The following TRHDE variants were observed in gnomAD, a reference collection of about 807,000 sequenced individuals.
TRHDE encodes the protein thyrotropin-releasing hormone-degrading ectoenzyme.
Under a neutral mutation model 125.7 loss-of-function variants are expected in TRHDE, and 72 were observed. The ratio of observed to expected loss-of-function variants is 0.57; its 90% CI spans 0.47 to 0.70. TRHDE has a LOEUF of 0.70. Among genes scored for constraint, TRHDE ranks in the 30% least tolerant of loss-of-function variants. The pLI, the probability that TRHDE is intolerant of heterozygous loss-of-function variation, is 0.00. For synonymous variants in TRHDE, 509 were observed against 509.1 expected, an observed-to-expected ratio of 1.00 and a Z score of 0.00; for missense variants, 1,110 against 1,327.1, an observed-to-expected ratio of 0.84 and a Z score of 2.54.
intron 2 of TRHDE, among the ~76,000 whole-genome samples, chr12:72,298,071 T>A (rs1012658679): frequency 1.2e-4 from 18 of 152,222 alleles, no homozygotes; most frequent in African/African-American, 3.6e-4. Flanking sequence ...GGTTTTGTTA[T>A]ATAATCTACA....
intron 5 of TRHDE, among the ~76,000 whole-genome samples, chr12:72,498,302 T>G (rs1878003807): frequency 6.6e-6 from 1 of 152,188 alleles, no homozygotes; most frequent in South Asian, 2.1e-4. Flanking sequence ...TTATGTCCAG[T>G]CAACAATTCT....
At chr12:72,463,694 C>T (rs1876233386) in intron 3 of TRHDE, among the ~76,000 whole-genome samples, 1 of 152,132 alleles carries the variant, frequency 6.6e-6, no homozygotes, top group Non-Finnish European at 1.5e-5. Context: ...GCATCTTATT[C>T]TGGACTGATT....
chr12:72,274,289 T>C (rs765488724), intron 1 of TRHDE, among the ~76,000 whole-genome samples: 2 of 152,216 alleles, frequency 1.3e-5, no homozygotes, highest in African/African-American at 4.8e-5. Context: ...CTGGAGATGA[T>C]TCCAGTGGCC....
At chr12:72,404,696 T>C (rs1255480549) in intron 3 of TRHDE, among the ~76,000 whole-genome samples, 1 of 152,134 alleles carries the variant, frequency 6.6e-6, no homozygotes, top group African/African-American at 2.4e-5. Flanking sequence ...AGACCTACCC[T>C]CATGATTCAA....
At chr12:72,371,027 G>C (rs1871559706) in intron 2 of TRHDE, among the ~76,000 whole-genome samples, 3 of 152,292 alleles carry the variant, frequency 2.0e-5, no homozygotes, top group African/African-American at 7.2e-5. Flanking sequence ...TTACAGGCGT[G>C]AGCCACTGCC....
intron 2 of TRHDE, among the ~76,000 whole-genome samples, chr12:72,170,577 G>T (rs1434794355): frequency 1.3e-5 from 2 of 151,990 alleles, no homozygotes; most frequent in Admixed American, 6.6e-5. Context: ...TGGAGTGGTT[G>T]TTCAAGCAAG....
Position 72,273,117 on chromosome 12 carries a change from G to T in TRHDE, c.474G>T (p.Gly158=), listed in dbSNP as rs1879317916. The change falls in exon 1 of 19, where the codon GGG becomes GGT. Residue 158 remains glycine (G), a synonymous_variant. Transcript: ENST00000261180. This position sits in a 1 kb window ranked among gnomAD's most constrained non-coding sequence, Gnocchi z 5.3. ...ACTCCTGGCAGCCCGAGGCGGGTGG[G>T]GTGGCCAGTCCGGGGACCACGTCGG... The part of the protein sequence containing the change: ...GGDSWQPEAG[G]VASPGTTSAQ... The T allele has an allele frequency of 6.5e-7, 1 of 1,530,976 alleles. No individual in the cohort carries two copies. 94.8% of individuals were successfully genotyped at this position (1,530,976 alleles called of 1,614,324 possible).
At chr12:72,409,954 A>G (rs189843373) in intron 3 of TRHDE, among the ~76,000 whole-genome samples, 1 of 152,188 alleles carries the variant, frequency 6.6e-6, no homozygotes, top group East Asian at 1.9e-4. Flanking sequence ...ATACTATAAA[A>G]CTATCAAAAA....
chr12:72,154,576 T>G (rs1045979411), intron 2 of TRHDE, among the ~76,000 whole-genome samples: 10 of 152,356 alleles, frequency 6.6e-5, no homozygotes, highest in Admixed American at 3.9e-4. Flanking sequence ...GGAGCTCTTT[T>G]AGGGCAGGCC....
intron 2 of TRHDE, among the ~76,000 whole-genome samples, chr12:72,329,706 T>C (rs1260369115): frequency 1.3e-5 from 2 of 152,222 alleles, no homozygotes; most frequent in Non-Finnish European, 2.9e-5. Flanking sequence ...ATTTTCTTTA[T>C]TGTTTGTCCC....
intron 2 of TRHDE, among the ~76,000 whole-genome samples, chr12:72,214,064 A>G (rs1877837923): frequency 6.6e-6 from 1 of 151,138 alleles, no homozygotes; most frequent in Non-Finnish European, 1.5e-5. Context: ...TTACTCAATG[A>G]AGATCAAGAA....
intron 7 of TRHDE, 88 bp from the exon 8 acceptor site, chr12:72,562,076 AC>A: frequency 1.7e-6 from 1 of 592,058 alleles, no homozygotes; most frequent in South Asian, 2.3e-5. Context: ...TATAATTCCA[AC>A]AAATGAAAAT....
chr12:72,509,714 C>G lies in TRHDE; in HGVS notation c.1722+10079C>G, dbSNP rs1878505802. ...ATATTGTTTGACTTTCCACTTTCCC[C>G]CATTGAATGTGAGCTTCATAAAGGC... On this transcript the variant is annotated intron_variant, in intron 6 of 18. Coordinates refer to ENST00000261180, the MANE Select transcript of TRHDE (RefSeq NM_013381.3). 3.3e-5 allele frequency among the ~76,000 whole-genome samples: 5 copies of G among 152,222 alleles called. No homozygotes were observed. The South Asian group carries it at 1.0e-3, about 32-fold the overall frequency.
intron 1 of TRHDE, among the ~76,000 whole-genome samples, chr12:72,098,788 C>T (rs1874997056): frequency 6.6e-6 from 1 of 152,164 alleles, no homozygotes; most frequent in Non-Finnish European, 1.5e-5. Flanking sequence ...TCCCAGCCAG[C>T]TGACTGCCTT....
chr12:72,408,113 GA>G (rs1417679015), intron 3 of TRHDE, among the ~76,000 whole-genome samples: 1 of 152,174 alleles, frequency 6.6e-6, no homozygotes, highest in African/African-American at 2.4e-5. Context: ...AAGCAAGCTA[GA>G]AAAAACTTGC....
chr12:72,175,345 C>A (rs1876964097), intron 2 of TRHDE, among the ~76,000 whole-genome samples: 1 of 152,190 alleles, frequency 6.6e-6, no homozygotes, highest in Admixed American at 6.6e-5. Context: ...CTTACCAGAA[C>A]AAATTACTAC....
chr12:72,351,085 A>G (rs185884245), intron 2 of TRHDE, among the ~76,000 whole-genome samples: 26 of 152,136 alleles, frequency 1.7e-4, no homozygotes, highest in African/African-American at 6.3e-4. Context: ...AGGGTTAGAA[A>G]AAATTCTAAG....
chr12:72,663,199 A>G lies in TRHDE; in HGVS notation c.*4A>G, dbSNP rs200312915. ...AGGAAAAGCTCTAAGACACTAATAT[A>G]TGTATCTTATAAACAAACAATTCAA... On this transcript the variant is annotated 3_prime_UTR_variant, in exon 19 of 19. Coordinates refer to ENST00000261180, the MANE Select transcript of TRHDE (RefSeq NM_013381.3). 5 of 1,592,246 alleles carry G rather than the reference A, an allele frequency of 3.1e-6. No individual in the cohort carries two copies. Among genetic ancestry groups the G allele is most frequent in the Non-Finnish European group, 4.3e-6 (5 of 1,169,664 alleles).
chr12:72,143,722 C>T (rs2139316084), intron 2 of TRHDE, among the ~76,000 whole-genome samples: 1 of 151,934 alleles, frequency 6.6e-6, no homozygotes, highest in Non-Finnish European at 1.5e-5. Flanking sequence ...CTGCTTGGTT[C>T]TTTTTAGTCT....
Sources: allele counts gnomAD v4.1 joint callset (sites outside exome capture counted in the v4.1 genomes callset), GRCh38; gene constraint gnomAD v4.1.1; non-coding constraint Gnocchi (gnomAD v3.1); transcripts MANE v1.5; gene names NCBI Gene and HGNC (gene_info 2026-07-23, HGNC 2026-07-21).